AK2: variants seen among roughly 807,000 people sequenced by gnomAD.
The protein encoded by AK2 is adenylate kinase 2.
Under a neutral mutation model 24.6 loss-of-function variants are expected in AK2, and 15 were observed. That is an observed-to-expected ratio of 0.61 (90% CI 0.41 to 0.94). The LOEUF is 0.94. Among genes scored for constraint, AK2 ranks in the 40% least tolerant of loss-of-function variants. The pLI, the probability that AK2 is intolerant of heterozygous loss-of-function variation, is 0.00. For synonymous variants in AK2, 102 were observed against 114.0 expected, an observed-to-expected ratio of 0.90 and a Z score of 0.67; for missense variants, 257 against 304.1, an observed-to-expected ratio of 0.85 and a Z score of 1.15.
At position 33,009,087 on chromosome 1, in the gene AK2, G is replaced by A. The variant is rs1195397938; in HGVS notation, c.*4094C>T. The A allele has an allele frequency of 4.4e-6, 2 of 453,974 alleles. No individual in the cohort carries two copies. Among genetic ancestry groups the A allele is most frequent in the African/African-American group, 2.0e-5 (1 of 50,118 alleles). 28.1% of individuals were successfully genotyped at this position (453,974 alleles called of 1,614,324 possible). On this transcript the variant is annotated 3_prime_UTR_variant, in exon 6 of 6. Coordinates refer to ENST00000672715, the MANE Select transcript of AK2 (RefSeq NM_001625.4). The stretch of plus-strand genomic sequence containing the variant: ...AATGACTCTGCACAGGTGAGGAAGT[G>A]GAGCAGAAGAGGGAGGGGCTGGTTC...
At position 33,009,841 on chromosome 1, in the gene AK2, C is replaced by T. The variant is rs1410435275; in HGVS notation, c.*3340G>A. The T allele has an allele frequency of 2.2e-6, 1 of 454,458 alleles. No homozygotes were observed. Among genetic ancestry groups the T allele is most frequent in the Admixed American group, 2.3e-5 (1 of 42,558 alleles). The allele number at this position is 454,458 out of a possible 1,614,324, so 28.2% of individuals were successfully genotyped here. Reference sequence around the variant, plus strand: ...AGCTGCCAGCGACAAGAAAGGGCTTCTTTTCCTTCCAGCCAGGTCCAGAAT... The same window carrying T: ...AGCTGCCAGCGACAAGAAAGGGCTTTTTTTCCTTCCAGCCAGGTCCAGAAT... On this transcript the variant is annotated 3_prime_UTR_variant, in exon 6 of 6. Coordinates refer to ENST00000672715, the MANE Select transcript of AK2 (RefSeq NM_001625.4).
Position 33,024,471 on chromosome 1 carries a change from G to T in AK2, c.190C>A (p.Leu64Met), listed in dbSNP as rs1413183640. 3 of 1,614,192 alleles carry T rather than the reference G, an allele frequency of 1.9e-6. No individual in the cohort carries two copies. The South Asian group carries it at 3.3e-5, about 18-fold the overall frequency. Residue 64 changes from leucine (L) to methionine (M), a missense_variant, in exon 2 of 6, where the codon CTG becomes ATG. By Grantham distance (15) the Leu-to-Met change is conservative. Transcript: ENST00000672715. Reference protein sequence around the residue: ...VASGSELGKKLKATMDAGKLV... With the variant: ...VASGSELGKKMKATMDAGKLV... The stretch of plus-strand genomic sequence containing the variant: ...TTCCCAGCATCCATAGTTGCCTTCA[G>T]CTTTTTTCCTAGCTCTGAGCCAGAA...
At chr1:33,025,268 T>C (rs1445241513) in intron 1 of AK2, among the ~76,000 whole-genome samples, 2 of 150,950 alleles carry the variant, frequency 1.3e-5, no homozygotes, top group African/African-American at 2.4e-5. Flanking sequence ...AATGAGATCA[T>C]GTATATAATG....
At chr1:33,024,303 G>A in intron 2 of AK2, 139 bp downstream of exon 2, 2 of 1,160,048 alleles carry the variant, frequency 1.7e-6, no homozygotes, top group Admixed American at 3.8e-5. Context: ...CTTGAAATAT[G>A]GCTAGTGCAA....
chr1:33,034,453 C>CACACAT (rs1184010687), intron 1 of AK2, among the ~76,000 whole-genome samples: 4 of 126,428 alleles, frequency 3.2e-5, no homozygotes, highest in Non-Finnish European at 6.6e-5. Flanking sequence ...GCTTGATACA[C>CACACAT]ACACACACAC....
intron 4 of AK2, chr1:33,020,175 A>G (rs1232666555): frequency 6.6e-7 from 1 of 1,507,596 alleles, no homozygotes; most frequent in South Asian, 1.2e-5. Context: ...TTACAGAGAA[A>G]CAAACATGTT....
In AK2 at chr1:33,011,147, G is replaced by C; in HGVS notation, c.*2034C>G. 7.3e-7 allele frequency: 1 copy of C among 1,376,198 alleles called. No homozygotes were observed. 85.2% of individuals were successfully genotyped at this position (1,376,198 alleles called of 1,614,324 possible). A position where few individuals can be genotyped will look rare whatever the true frequency, so the allele number is the denominator to read the frequency against. ...GGACGGATGACAAATATTTGGGCAA[G>C]GATCATGCACATAAAATTAGCAAAC... On this transcript the variant is annotated 3_prime_UTR_variant, in exon 6 of 6. Transcript: ENST00000672715.
At position 33,008,495 on chromosome 1, in the gene AK2, G is replaced by A. The variant is rs767626781; in HGVS notation, c.*4686C>T. Reference sequence around the variant, plus strand: ...CTTCTTCAAAATCAGTTCCGGCAGCGCTGAGTGTCCATGGAAAAGAGCTCT... The same window carrying A: ...CTTCTTCAAAATCAGTTCCGGCAGCACTGAGTGTCCATGGAAAAGAGCTCT... On this transcript the variant is annotated 3_prime_UTR_variant, in exon 6 of 6. Transcript: ENST00000672715. 4.6e-5 allele frequency: 21 copies of A among 454,066 alleles called. No homozygotes were observed. The East Asian group carries it at 1.2e-3, about 26-fold the overall frequency. The allele number at this position is 454,066 out of a possible 1,614,324, so 28.1% of individuals were successfully genotyped here.
intron 1 of AK2, among the ~76,000 whole-genome samples, chr1:33,028,031 C>T (rs1005432112): frequency 1.4e-4 from 22 of 152,158 alleles, no homozygotes; most frequent in Admixed American, 4.6e-4. Flanking sequence ...ACATCAGACA[C>T]GCAGCAGGCA....
intron 4 of AK2, among the ~76,000 whole-genome samples, chr1:33,018,058 G>A (rs1569616250): frequency 6.6e-6 from 1 of 152,088 alleles, no homozygotes; most frequent in African/African-American, 2.4e-5. Context: ...GAACCACTGC[G>A]CCCAACATTC....
At chr1:33,027,532 G>A (rs1639971526) in intron 1 of AK2, among the ~76,000 whole-genome samples, 1 of 152,088 alleles carries the variant, frequency 6.6e-6, no homozygotes, top group Non-Finnish European at 1.5e-5. Flanking sequence ...ACGAGGTCAG[G>A]AGTTCAAGAC....
intron 4 of AK2, 77 bp downstream of exon 4, chr1:33,021,290 G>A (rs1462561837): frequency 8.6e-6 from 11 of 1,284,408 alleles, no homozygotes; most frequent in South Asian, 1.2e-5. Flanking sequence ...CTTCATGGCC[G>A]GGATTAGGCA....
chr1:33,019,332 A>G (rs1484444980), intron 4 of AK2, among the ~76,000 whole-genome samples: 1 of 152,132 alleles, frequency 6.6e-6, no homozygotes, highest in East Asian at 1.9e-4. Context: ...GCAGGTACTC[A>G]GGAAGCTGGG....
intron 1 of AK2, among the ~76,000 whole-genome samples, chr1:33,025,459 C>A (rs1236614085): frequency 6.6e-6 from 1 of 152,148 alleles, no homozygotes; most frequent in Non-Finnish European, 1.5e-5. Context: ...TGGTGGCCAC[C>A]TCACTTTTCA....
At position 33,013,006 on chromosome 1, in the gene AK2, C is replaced by T. The variant is rs1285741287; in HGVS notation, c.*175G>A. The T allele has an allele frequency of 1.9e-6, 3 of 1,593,842 alleles. No individual in the cohort carries two copies. The South Asian group carries it at 3.3e-5, about 18-fold the overall frequency. The stretch of plus-strand genomic sequence containing the variant: ...CATGCACACACACACACACACAACA[C>T]ACATACACACAGATGAGAGTAGCAC... On this transcript the variant is annotated 3_prime_UTR_variant, in exon 6 of 6. Transcript: ENST00000672715.
chr1:33,034,625 A>G (rs1475281548), intron 1 of AK2, among the ~76,000 whole-genome samples: 1 of 152,148 alleles, frequency 6.6e-6, no homozygotes, highest in Admixed American at 6.5e-5. Context: ...TATTATCCCC[A>G]TTTTTCAGGT....
chr1:33,021,559 C>T, intron 3 of AK2, 34 bp downstream of exon 3: 1 of 1,609,016 alleles, frequency 6.2e-7, no homozygotes, highest in Non-Finnish European at 8.5e-7. Flanking sequence ...AATTTGGTTT[C>T]ATGCAGTAGT....
Position 33,014,480 on chromosome 1 carries a change from G to C in AK2, c.498+42C>G, listed in dbSNP as rs74435473. ...GAAAAAGAAAAACAGTGAAGAAAGG[G>C]GAAGGAAAGAAAAGGAAATTTTTTG... On this transcript the variant is annotated intron_variant, in intron 5 of 5. Coordinates refer to ENST00000672715, the MANE Select transcript of AK2 (RefSeq NM_001625.4). The C allele has an allele frequency of 0.014, 20,217 of 1,460,592 alleles. 481 individuals are homozygous for C. The highest frequency in any genetic ancestry group is 0.1 in the African/African-American group (7,476 of 71,686). 90.5% of individuals were successfully genotyped at this position (1,460,592 alleles called of 1,614,324 possible).
chr1:33,022,165 C>A (rs138541910), intron 2 of AK2, among the ~76,000 whole-genome samples: 1 of 151,968 alleles, frequency 6.6e-6, no homozygotes, highest in Non-Finnish European at 1.5e-5. Context: ...ATGGGGTTGA[C>A]CAAAACACAG....
Sources: gnomAD v4.1 joint callset for allele counts (sites outside exome capture counted in the v4.1 genomes callset) on GRCh38, gnomAD v4.1.1 for gene constraint, MANE v1.5 for transcripts, NCBI Gene and HGNC (gene_info 2026-07-23, HGNC 2026-07-21) for gene names.